Variants in RPL3L observed in about 807,000 individuals in gnomAD.
RPL3L encodes ribosomal protein uL3-like.
RPL3L carries 44 observed loss-of-function variants against 44.5 expected under a neutral mutation model. That is an observed-to-expected ratio of 0.99 (90% CI 0.78 to 1.27). The LOEUF is 1.27. Ranked by LOEUF, RPL3L falls within the 50% of genes most tolerant of loss-of-function variation. The pLI, the probability that RPL3L is intolerant of heterozygous loss-of-function variation, is 0.00. For synonymous variants in RPL3L, 292 were observed against 230.7 expected (o/e 1.27, Z -2.41); for missense variants, 631 against 569.1 (o/e 1.11, Z -1.11).
At chr16:1,951,093 GC>G in intron 3 of RPL3L, 114 bp from the exon 4 acceptor site, 3 of 1,393,902 alleles carry the variant, frequency 2.2e-6, no homozygotes, top group Admixed American at 2.4e-5. Context: ...CTCTGGGACC[GC>G]CCCCCACCCG....
chr16:1,952,427 A>G (rs2083177051), intron 3 of RPL3L, among the ~76,000 whole-genome samples: 1 of 152,162 alleles, frequency 6.6e-6, no homozygotes, highest in Non-Finnish European at 1.5e-5. Flanking sequence ...CCCAGGCTGC[A>G]GTGCAGTGGC....
intron 3 of RPL3L, among the ~76,000 whole-genome samples, chr16:1,951,994 A>G (rs2083174573): frequency 6.6e-6 from 1 of 151,508 alleles, no homozygotes. Flanking sequence ...TGTCGCTCAC[A>G]CTGGAGTGCA....
At chr16:1,947,891 G>T (rs1004315886) in intron 4 of RPL3L, among the ~76,000 whole-genome samples, 3 of 151,950 alleles carry the variant, frequency 2.0e-5, no homozygotes, top group Non-Finnish European at 2.9e-5. Context: ...TGGGAGTGGG[G>T]AGCTCGGACT....
In RPL3L at chr16:1,944,523, C is replaced by A. The variant is rs1454871275; in HGVS notation, c.*314G>T. 1 of 223,104 alleles carries A rather than the reference C, an allele frequency of 4.5e-6. No homozygotes were observed. Among genetic ancestry groups the A allele is most frequent in the African/African-American group, 2.5e-5 (1 of 40,070 alleles). The allele number at this position is 223,104 out of a possible 1,614,324, so 13.8% of individuals were successfully genotyped here. On this transcript the variant is annotated 3_prime_UTR_variant, in exon 10 of 10. Coordinates refer to ENST00000268661, the MANE Select transcript of RPL3L (RefSeq NM_005061.3). ...CTCCCCGGCACTCCAGCAGCCTGGG[C>A]GACAAGATCAAGACTCTCTCAAAAA...
At chr16:1,948,700 GTTTTT>G (rs35729569) in intron 4 of RPL3L, among the ~76,000 whole-genome samples, 2 of 144,200 alleles carry the variant, frequency 1.4e-5, no homozygotes, top group African/African-American at 5.1e-5. Flanking sequence ...ATGCCCAGTT[GTTTTT>G]TTTTTGTTTG....
chr16:1,949,247 T>G (rs1567310362), intron 4 of RPL3L, among the ~76,000 whole-genome samples: 6 of 110,740 alleles, frequency 5.4e-5, no homozygotes, highest in Non-Finnish European at 1.1e-4. Flanking sequence ...GATTTTTGTT[T>G]TTTTTTTTTT....
At chr16:1,951,976 T>C (rs2083174487) in intron 3 of RPL3L, among the ~76,000 whole-genome samples, 1 of 151,900 alleles carries the variant, frequency 6.6e-6, no homozygotes, top group Non-Finnish European at 1.5e-5. Flanking sequence ...TTTGACAGGG[T>C]CTCACTCTGT....
intron 4 of RPL3L, among the ~76,000 whole-genome samples, chr16:1,949,163 G>T (rs1159168091): frequency 6.7e-6 from 1 of 150,262 alleles, no homozygotes; most frequent in Non-Finnish European, 1.5e-5. Context: ...TAGAGATGAG[G>T]TCTCGTTAAG....
chr16:1,948,046 C>T lies in RPL3L; in HGVS notation c.502-666G>A, dbSNP rs568338861. The stretch of plus-strand genomic sequence containing the variant: ...TCTGCCTCCCGGGTTCACGCCATTC[C>T]CCTGCCTCAGCCTCCTGAGTAGCTG... On this transcript the variant is annotated intron_variant, in intron 4 of 9. Transcript: ENST00000268661. Among the ~76,000 whole-genome samples the T allele has an allele frequency of 1.0e-3, 148 of 146,434 alleles. 1 individual carries two copies. The Middle Eastern group carries it at 0.025, about 24-fold the overall frequency.
intron 9 of RPL3L, 137 bp from the exon 10 acceptor site, chr16:1,945,030 A>G (rs1176129703): frequency 9.1e-7 from 1 of 1,098,046 alleles, no homozygotes; most frequent in Non-Finnish European, 1.4e-6. Flanking sequence ...TTCTCTTCTA[A>G]AGAATCAGTG....
At chr16:1,954,193 T>A in intron 1 of RPL3L, 45 bp from the exon 2 acceptor site, 1 of 1,487,352 alleles carries the variant, frequency 6.7e-7, no homozygotes, top group Non-Finnish European at 9.0e-7. Context: ...GTGTCCCTGG[T>A]GGTAGAGCTG....
At chr16:1,950,534 G>T (rs539704440) in intron 4 of RPL3L, among the ~76,000 whole-genome samples, 1 of 152,142 alleles carries the variant, frequency 6.6e-6, no homozygotes, top group East Asian at 1.9e-4. Flanking sequence ...GCACACTTAC[G>T]CTGGAAACCG....
chr16:1,952,617 C>T (rs1192762105), intron 3 of RPL3L, among the ~76,000 whole-genome samples: 1 of 152,124 alleles, frequency 6.6e-6, no homozygotes, highest in Non-Finnish European at 1.5e-5. Flanking sequence ...CTCAAGTGAT[C>T]CACCCGCCTC....
rs2083107357 is a variant in RPL3L, at chr16:1,944,747, G to T, written c.*90C>A. On this transcript the variant is annotated 3_prime_UTR_variant, in exon 10 of 10. Transcript: ENST00000268661. ...CCCTTGGGCGGTTACACAGCGCTCTGAGACCTCGCAGGAAGAGTCGCCTCC... is the reference window on the plus strand; with the variant it reads ...CCCTTGGGCGGTTACACAGCGCTCTTAGACCTCGCAGGAAGAGTCGCCTCC... 82 of 1,571,038 alleles carry T rather than the reference G, an allele frequency of 5.2e-5. 1 individual carries two copies. In the South Asian group the frequency reaches 9.1e-4, roughly 17 times the overall value.
Position 1,946,966 on chromosome 16 carries a change from T to C in RPL3L, c.821A>G (p.Tyr274Cys), listed in dbSNP as rs769143238. The C allele has an allele frequency of 1.2e-5, 20 of 1,609,002 alleles. No homozygotes were observed. The highest frequency in any genetic ancestry group is 3.4e-5 in the Admixed American group (2 of 59,604). Reference protein sequence around the residue: ...CSIARAGQKGYHHRTELNKKI... With the variant: ...CSIARAGQKGCHHRTELNKKI... ...CTTGTTGAGCTCCGTGCGGTGGTGA[T>C]AGCCCTTCTGCCCGGCCCGAGCAAT... is the stretch of plus-strand genomic sequence containing the variant. Residue 274 changes from tyrosine (Y) to cysteine (C), a missense_variant, in exon 6 of 10, where the codon TAT (tyrosine) becomes TGT (cysteine). Physicochemically the swap from Tyr to Cys is radical, Grantham distance 194. Transcript: ENST00000268661.
chr16:1,950,782 G>A (rs938970929), intron 4 of RPL3L, 62 bp downstream of exon 4: 93 of 1,610,520 alleles, frequency 5.8e-5, no homozygotes, highest in Non-Finnish European at 7.6e-5. Flanking sequence ...ACAGCTCCTG[G>A]AAGCTGGGGT....
intron 9 of RPL3L, among the ~76,000 whole-genome samples, chr16:1,945,125 G>A (rs1260977298): frequency 6.6e-6 from 1 of 152,064 alleles, no homozygotes; most frequent in African/African-American, 2.4e-5. Context: ...GGAGGCCGAG[G>A]CGGTCGGATC....
intron 4 of RPL3L, among the ~76,000 whole-genome samples, chr16:1,949,749 CGGGGCAGGTATGTAG>C (rs1567310630): frequency 1.7e-3 from 37 of 21,996 alleles, no homozygotes; most frequent in Non-Finnish European, 2.2e-3. Context: ...CAGGTATGTA[CGGGGCAGGTATGTAG>C]GGGGCAGGTA....
chr16:1,944,644 T>C lies in RPL3L; in HGVS notation c.*193A>G. On this transcript the variant is annotated 3_prime_UTR_variant, in exon 10 of 10. Coordinates refer to ENST00000268661, the MANE Select transcript of RPL3L (RefSeq NM_005061.3). ...CTCCGGTCTCCCGCACAGCCAGCTC[T>C]GTGTGAATTACTCTTTCTCTATTGC... 1 of 640,968 alleles carries C rather than the reference T, an allele frequency of 1.6e-6. No individual in the cohort carries two copies. The highest frequency in any genetic ancestry group is 2.8e-6 in the Non-Finnish European group (1 of 359,420). The allele number at this position is 640,968 out of a possible 1,614,324, so 39.7% of individuals were successfully genotyped here.
Sources: gnomAD v4.1 joint callset for allele counts (sites outside exome capture counted in the v4.1 genomes callset) on GRCh38, gnomAD v4.1.1 for gene constraint, MANE v1.5 for transcripts, NCBI Gene and HGNC (gene_info 2026-07-23, HGNC 2026-07-21) for gene names.